The following NRCAM variants were observed in gnomAD, a reference collection of about 807,000 sequenced individuals.
NRCAM encodes neuronal cell adhesion molecule.
NRCAM carries 83 observed loss-of-function variants against 156.5 expected under a neutral mutation model. The observed-to-expected ratio is 0.53, with a 90% CI of 0.44 to 0.64. The LOEUF is 0.64. NRCAM is among the 30% of genes least tolerant of loss of function. The pLI is 0.00. For synonymous variants in NRCAM, 538 were observed against 563.9 expected, an observed-to-expected ratio of 0.95 and a Z score of 0.65; for missense variants, 1,417 against 1,597.3, an observed-to-expected ratio of 0.89 and a Z score of 1.92.
At chr7:108,299,727 T>C (rs1290416139) in intron 3 of NRCAM, among the ~76,000 whole-genome samples, 1 of 152,204 alleles carries the variant, frequency 6.6e-6, no homozygotes, top group Non-Finnish European at 1.5e-5. Flanking sequence ...GTCATGTACA[T>C]ACAGCACATT....
At chr7:108,330,175 T>C (rs766005366) in intron 2 of NRCAM, among the ~76,000 whole-genome samples, 7 of 152,230 alleles carry the variant, frequency 4.6e-5, no homozygotes, top group Non-Finnish European at 8.8e-5. Flanking sequence ...TGCATTTCCA[T>C]TGGAAAGAAG....
intron 2 of NRCAM, among the ~76,000 whole-genome samples, chr7:108,391,181 T>C (rs2099758606): frequency 6.6e-6 from 1 of 152,126 alleles, no homozygotes; most frequent in Admixed American, 6.5e-5. Flanking sequence ...GGTGTTAAAG[T>C]CTCCCATTAT....
rs2065546314 is a variant in NRCAM at position 108,184,609 on chromosome 7, T to C, written c.2041A>G (p.Ile681Val). 1 of 1,612,210 alleles carries C rather than the reference T, an allele frequency of 6.2e-7. No individual in the cohort carries two copies. Among genetic ancestry groups the C allele is most frequent in the Non-Finnish European group, 8.5e-7 (1 of 1,179,800 alleles). ...DDNNSPITKF[I>V]IEYEDAMHKP... Reference sequence around the variant, plus strand: ...TGCATTGCATCTTCATATTCGATGATGAATTCTGGTCACGACACACACACA... The same window carrying C: ...TGCATTGCATCTTCATATTCGATGACGAATTCTGGTCACGACACACACACA... Residue 681 changes from isoleucine to valine, a missense_variant, in exon 21 of 33, where the codon ATC becomes GTC. By Grantham distance (29) the Ile-to-Val change is conservative (BLOSUM62 3). Around this residue, in one of 2 missense-constraint regions of NRCAM, gnomAD observed 1,238 missense variants for 1,336.4 expected, o/e 0.93. Coordinates refer to ENST00000379028, the MANE Select transcript of NRCAM (RefSeq NM_001037132.4).
At chr7:108,315,786 A>T (rs2098909856) in intron 2 of NRCAM, among the ~76,000 whole-genome samples, 1 of 152,228 alleles carries the variant, frequency 6.6e-6, no homozygotes, top group Non-Finnish European at 1.5e-5. Context: ...ACCAATGTGG[A>T]TCATGCTTTA....
At chr7:108,361,652 A>C (rs769380693) in intron 2 of NRCAM, among the ~76,000 whole-genome samples, 33 of 152,124 alleles carry the variant, frequency 2.2e-4, no homozygotes, top group Non-Finnish European at 4.4e-4. Context: ...CACCCTTTAG[A>C]CTCAGACTAG....
intron 8 of NRCAM, 21 bp downstream of exon 8, chr7:108,231,010 G>A (rs1253919115): frequency 2.6e-6 from 4 of 1,562,668 alleles, no homozygotes; most frequent in Non-Finnish European, 3.5e-6. Context: ...AAGAAAGAAA[G>A]TTCATATTAT....
intron 2 of NRCAM, among the ~76,000 whole-genome samples, chr7:108,397,185 T>C (rs991284462): frequency 3.3e-5 from 5 of 152,230 alleles, no homozygotes; most frequent in African/African-American, 1.2e-4. Context: ...TAGTGTTCAG[T>C]AAGTTACTTA....
intron 4 of NRCAM, among the ~76,000 whole-genome samples, chr7:108,238,982 C>T (rs1276061269): frequency 6.6e-6 from 1 of 151,506 alleles, no homozygotes; most frequent in Non-Finnish European, 1.5e-5. Flanking sequence ...ATTGAATAGC[C>T]CCAGGAAAGT....
chr7:108,383,284 T>C (rs1165559901), intron 2 of NRCAM, among the ~76,000 whole-genome samples: 1 of 152,214 alleles, frequency 6.6e-6, no homozygotes, highest in African/African-American at 2.4e-5. Flanking sequence ...TCAGATTTCA[T>C]TTAAAAATAA....
At chr7:108,268,950 G>A (rs1176122451) in intron 3 of NRCAM, among the ~76,000 whole-genome samples, 4 of 152,202 alleles carry the variant, frequency 2.6e-5, no homozygotes, top group Non-Finnish European at 1.5e-5. Context: ...ACCTTATCAA[G>A]TACTATTATT....
At chr7:108,171,883 G>A (rs914278428) in intron 28 of NRCAM, among the ~76,000 whole-genome samples, 6 of 151,944 alleles carry the variant, frequency 3.9e-5, no homozygotes, top group Non-Finnish European at 7.4e-5. Flanking sequence ...TTTTCGTATA[G>A]GCCAAAAAAG....
At chr7:108,166,504 T>C (rs1199705198) in intron 30 of NRCAM, among the ~76,000 whole-genome samples, 1 of 152,090 alleles carries the variant, frequency 6.6e-6, no homozygotes, top group Non-Finnish European at 1.5e-5. Flanking sequence ...TGCCTCGGCC[T>C]CCCTAAGTGC....
chr7:108,185,975 G>A (rs1285627055), intron 20 of NRCAM, among the ~76,000 whole-genome samples: 2 of 152,200 alleles, frequency 1.3e-5, no homozygotes, highest in East Asian at 3.8e-4. Context: ...GGCCAGAGGA[G>A]CTGGGAGACA....
chr7:108,159,686 T>C, intron 31 of NRCAM, 145 bp from the exon 32 acceptor site: 2 of 611,486 alleles, frequency 3.3e-6, no homozygotes, highest in East Asian at 5.7e-5. Context: ...ATGGTGGCCA[T>C]GCATATATTT....
chr7:108,420,627 C>G (rs1328786515), intron 1 of NRCAM, among the ~76,000 whole-genome samples: 1 of 152,180 alleles, frequency 6.6e-6, no homozygotes, highest in Admixed American at 6.5e-5. Context: ...TCATTTTACA[C>G]TTATTCTGTG....
chr7:108,218,849 A>G (rs1258084264), intron 11 of NRCAM, among the ~76,000 whole-genome samples: 1 of 152,138 alleles, frequency 6.6e-6, no homozygotes, highest in African/African-American at 2.4e-5. Flanking sequence ...AAGAAAGGAG[A>G]TAAGATCACA....
chr7:108,298,694 C>T (rs990251414), intron 3 of NRCAM, among the ~76,000 whole-genome samples: 1 of 151,226 alleles, frequency 6.6e-6, no homozygotes, highest in African/African-American at 2.4e-5. Context: ...ACACACCAAA[C>T]AACAACAACA....
intron 2 of NRCAM, among the ~76,000 whole-genome samples, chr7:108,366,365 T>A (rs756961515): frequency 2.6e-5 from 4 of 152,208 alleles, no homozygotes; most frequent in Non-Finnish European, 5.9e-5. Context: ...AAGACTGCAA[T>A]TGAACCACTA....
At chr7:108,179,301 C>T (rs1411655611) in intron 25 of NRCAM, among the ~76,000 whole-genome samples, 1 of 152,092 alleles carries the variant, frequency 6.6e-6, no homozygotes, top group Non-Finnish European at 1.5e-5. Context: ...GTGAGATTGA[C>T]GACAAAAACT....
Sources: allele counts gnomAD v4.1 joint callset (sites outside exome capture counted in the v4.1 genomes callset), GRCh38; gene constraint gnomAD v4.1.1; regional missense constraint gnomAD v4.1.1; transcripts MANE v1.5; gene names NCBI Gene and HGNC (gene_info 2026-07-23, HGNC 2026-07-21).